Variants in NSUN6 observed in about 807,000 individuals in gnomAD.
The protein encoded by NSUN6 is NOP2/Sun RNA methyltransferase 6, also known as tRNA (cytosine(72)-C(5))-methyltransferase NSUN6.
A neutral mutation model predicts 58.0 loss-of-function variants in NSUN6; 64 were observed. The observed-to-expected ratio is 1.10, with a 90% CI of 0.90 to 1.36. NSUN6 has a LOEUF of 1.36. Ranked by LOEUF, NSUN6 falls within the 40% of genes most tolerant of loss-of-function variation. The pLI is 0.00. For missense variants in NSUN6, 701 were observed against 550.1 expected, an observed-to-expected ratio of 1.27 and a Z score of -2.74; for synonymous variants, 231 against 193.9, an observed-to-expected ratio of 1.19 and a Z score of -1.59.
chr10:18,618,866 T>G (rs958069349), intron 3 of NSUN6, among the ~76,000 whole-genome samples: 1 of 152,146 alleles, frequency 6.6e-6, no homozygotes, highest in Admixed American at 6.6e-5. Context: ...TTAATTTTAA[T>G]GATAATTTAT....
intron 7 of NSUN6, among the ~76,000 whole-genome samples, chr10:18,592,682 G>A (rs1430336466): frequency 1.3e-5 from 2 of 152,068 alleles, no homozygotes; most frequent in Non-Finnish European, 2.9e-5. Flanking sequence ...GACAGAAACT[G>A]CACCCCTTCC....
At chr10:18,655,831 C>A (rs1227113032), upstream of NSUN6, among the ~76,000 whole-genome samples, 1 of 152,126 alleles carries the variant, frequency 6.6e-6, no homozygotes, top group African/African-American at 2.4e-5. Flanking sequence ...CTTTGAAGTA[C>A]CTGTTGGAAG....
chr10:18,652,192 T>C (rs1407827326), upstream of NSUN6: 11 of 985,320 alleles, frequency 1.1e-5, no homozygotes, highest in East Asian at 9.1e-4. Context: ...ACATATTCTT[T>C]AGAGTTTGGA....
chr10:18,633,428 TAAATA>T (rs1415017994), intron 3 of NSUN6, among the ~76,000 whole-genome samples: 10 of 151,720 alleles, frequency 6.6e-5, no homozygotes, highest in Non-Finnish European at 1.0e-4. Context: ...ATAAATTAAT[TAAATA>T]AAATAAATAA....
At chr10:18,617,071 G>C (rs1190232058) in intron 3 of NSUN6, among the ~76,000 whole-genome samples, 2 of 151,918 alleles carry the variant, frequency 1.3e-5, no homozygotes, top group African/African-American at 2.4e-5. Flanking sequence ...TCCCCGCCAG[G>C]TTCCAAAACA....
chr10:18,568,167 T>G (rs1005395503), intron 8 of NSUN6, among the ~76,000 whole-genome samples: 3 of 151,130 alleles, frequency 2.0e-5, no homozygotes, highest in Non-Finnish European at 4.4e-5. Context: ...TCCATTCCAT[T>G]ATCCATTCTA....
intron 8 of NSUN6, among the ~76,000 whole-genome samples, chr10:18,554,995 T>C (rs1589829292): frequency 6.8e-6 from 1 of 146,566 alleles, no homozygotes; most frequent in Non-Finnish European, 1.5e-5. Context: ...GAAAATGTAA[T>C]GGAGAATAGA....
chr10:18,577,729 T>C (rs2056721983), intron 8 of NSUN6, among the ~76,000 whole-genome samples: 1 of 152,258 alleles, frequency 6.6e-6, no homozygotes, highest in Non-Finnish European at 1.5e-5. Flanking sequence ...ACTTTTAAAC[T>C]TAACTTCCTC....
At chr10:18,579,949 T>C (rs2056832706) in intron 8 of NSUN6, among the ~76,000 whole-genome samples, 1 of 152,192 alleles carries the variant, frequency 6.6e-6, no homozygotes, top group East Asian at 1.9e-4. Context: ...CGTTCCCAGC[T>C]TGACTTTTCC....
upstream of NSUN6, chr10:18,655,156 C>G: frequency 2.0e-6 from 2 of 983,576 alleles, no homozygotes; most frequent in Non-Finnish European, 2.4e-6. Flanking sequence ...GCTGCTTTAT[C>G]TTGCTCGTAT....
chr10:18,551,127 G>C (rs930927815), intron 9 of NSUN6, among the ~76,000 whole-genome samples: 2 of 151,858 alleles, frequency 1.3e-5, no homozygotes, highest in African/African-American at 4.8e-5. Flanking sequence ...TTTTCAGATA[G>C]AGAATATTTG....
intron 8 of NSUN6, among the ~76,000 whole-genome samples, chr10:18,564,768 TTCCATTCCATTC>T (rs1218714789): frequency 0.01 from 1,171 of 116,942 alleles, 7 homozygotes; most frequent in Non-Finnish European, 0.018. Context: ...CCATACTGCA[TTCCATTCCATTC>T]TCCATTCCAT....
chr10:18,581,026 A>G (rs905411918), intron 8 of NSUN6, among the ~76,000 whole-genome samples: 2 of 152,160 alleles, frequency 1.3e-5, no homozygotes, highest in African/African-American at 4.8e-5. Flanking sequence ...GCATGGTCTG[A>G]CCTTCTGACT....
intron 10 of NSUN6, among the ~76,000 whole-genome samples, chr10:18,546,968 A>G (rs1429060768): frequency 6.6e-6 from 1 of 152,172 alleles, no homozygotes; most frequent in Non-Finnish European, 1.5e-5. Context: ...AGAAAAAAGA[A>G]AAAAGAAAGC....
chr10:18,651,534 A>T lies in NSUN6; in HGVS notation c.-331T>A, dbSNP rs1590211043. 1 of 1,019,016 alleles carries T rather than the reference A, an allele frequency of 9.8e-7. No individual in the cohort carries two copies. Among genetic ancestry groups the T allele is most frequent in the African/African-American group, 1.7e-5 (1 of 58,728 alleles). 63.1% of individuals were successfully genotyped at this position (1,019,016 alleles called of 1,614,324 possible). ...AGTAACTGAATCCGTGGTGAAACGG[A>T]CGCAGATCAGTAAGCCAGGCTGACA... On this transcript the variant is annotated 5_prime_UTR_variant, in exon 1 of 11. Coordinates refer to ENST00000377304, the MANE Select transcript of NSUN6 (RefSeq NM_182543.5).
At chr10:18,566,799 A>G (rs553047574) in intron 8 of NSUN6, among the ~76,000 whole-genome samples, 1 of 144,502 alleles carries the variant, frequency 6.9e-6, no homozygotes, top group African/African-American at 2.6e-5. Flanking sequence ...ATTCCCTTCA[A>G]TTCTCCATTC....
At chr10:18,657,852 T>C (rs1184806312), upstream of NSUN6, among the ~76,000 whole-genome samples, 1 of 152,038 alleles carries the variant, frequency 6.6e-6, no homozygotes, top group Admixed American at 6.6e-5. Context: ...GACTTCGTGA[T>C]CCACCCGCCT....
intron 3 of NSUN6, among the ~76,000 whole-genome samples, chr10:18,623,150 A>G (rs1427585627): frequency 3.3e-5 from 5 of 152,200 alleles, no homozygotes; most frequent in South Asian, 2.1e-4. Context: ...TTTAAATTTC[A>G]TTTGAAATTT....
At chr10:18,565,415 C>T (rs1471871353) in intron 8 of NSUN6, among the ~76,000 whole-genome samples, 2 of 150,636 alleles carry the variant, frequency 1.3e-5, no homozygotes, top group Non-Finnish European at 3.0e-5. Flanking sequence ...CCATTCCATA[C>T]CATTCTCCAC....
Sources: allele counts gnomAD v4.1 joint callset (sites outside exome capture counted in the v4.1 genomes callset), GRCh38; gene constraint gnomAD v4.1.1; transcripts MANE v1.5; gene names NCBI Gene and HGNC (gene_info 2026-07-23, HGNC 2026-07-21).